NRG1: variants seen among roughly 807,000 people sequenced by gnomAD.
NRG1 encodes the protein neuregulin 1, also known as pro-neuregulin-1, membrane-bound isoform.
A neutral mutation model predicts 63.8 loss-of-function variants in NRG1; 18 were observed. The ratio of observed to expected loss-of-function variants is 0.28; its 90% CI spans 0.19 to 0.42. NRG1 has a LOEUF of 0.42. NRG1 is among the 10% of genes least tolerant of loss of function. The pLI, the probability that NRG1 is intolerant of heterozygous loss-of-function variation, is 1.00. For synonymous variants in NRG1, 302 were observed against 301.3 expected, an observed-to-expected ratio of 1.00 and a Z score of -0.02; for missense variants, 762 against 814.7, an observed-to-expected ratio of 0.94 and a Z score of 0.79.
intron 1 of NRG1, among the ~76,000 whole-genome samples, chr8:31,661,802 C>T (rs934976121): frequency 2.0e-5 from 3 of 152,180 alleles, no homozygotes; most frequent in Non-Finnish European, 4.4e-5. Flanking sequence ...TTAGGATCTC[C>T]ATATTCATAG....
intron 1 of NRG1, among the ~76,000 whole-genome samples, chr8:31,936,317 G>A (rs554891504): frequency 1.3e-5 from 2 of 152,248 alleles, no homozygotes; most frequent in African/African-American, 2.4e-5. Flanking sequence ...TATTTCATAA[G>A]TTTTTTGTTG....
At chr8:32,201,757 A>G (rs999531174) in intron 1 of NRG1, among the ~76,000 whole-genome samples, 1 of 152,212 alleles carries the variant, frequency 6.6e-6, no homozygotes, top group African/African-American at 2.4e-5. Flanking sequence ...GAAAATAATG[A>G]TGTCCAAATT....
intron 1 of NRG1, among the ~76,000 whole-genome samples, chr8:32,274,103 C>A (rs766257065): frequency 3.9e-5 from 6 of 152,128 alleles, no homozygotes; most frequent in Non-Finnish European, 8.8e-5. Context: ...AGCCAGAAAT[C>A]TGAAAAAAGA....
chr8:31,824,024 A>AT (rs1296088656), intron 1 of NRG1, among the ~76,000 whole-genome samples: 2 of 151,310 alleles, frequency 1.3e-5, no homozygotes, highest in African/African-American at 2.4e-5. Context: ...TTTTTTTTAT[A>AT]TTTTTTATTA....
chr8:32,676,605 A>T (rs1398929076), intron 5 of NRG1, among the ~76,000 whole-genome samples: 3 of 152,186 alleles, frequency 2.0e-5, no homozygotes, highest in Non-Finnish European at 4.4e-5. Context: ...AAATGAGATG[A>T]TATATGTGAA....
chr8:32,067,609 A>G (rs542220689), intron 1 of NRG1, among the ~76,000 whole-genome samples: 2 of 152,220 alleles, frequency 1.3e-5, no homozygotes, highest in Admixed American at 6.5e-5. Flanking sequence ...TATGGCCGTC[A>G]ATTTTTGACC....
At chr8:32,093,714 T>C (rs1001296003) in intron 1 of NRG1, among the ~76,000 whole-genome samples, 1 of 152,212 alleles carries the variant, frequency 6.6e-6, no homozygotes, top group Non-Finnish European at 1.5e-5. Context: ...ATAATTCATT[T>C]AGTGGGGCAA....
chr8:32,418,541 G>C (rs1347086078), intron 1 of NRG1, among the ~76,000 whole-genome samples: 3 of 151,846 alleles, frequency 2.0e-5, no homozygotes, highest in African/African-American at 7.3e-5. Flanking sequence ...ATTTGGACTA[G>C]ATGCATTTCA....
intron 5 of NRG1, among the ~76,000 whole-genome samples, chr8:32,626,950 G>A (rs1236345173): frequency 2.0e-5 from 3 of 151,984 alleles, no homozygotes; most frequent in Non-Finnish European, 2.9e-5. Flanking sequence ...GAACCTGGGA[G>A]CGGAGGTTGC....
chr8:32,064,102 C>A (rs1389976920), intron 1 of NRG1, among the ~76,000 whole-genome samples: 1 of 151,992 alleles, frequency 6.6e-6, no homozygotes, highest in African/African-American at 2.4e-5. Context: ...CCCTTTCTGG[C>A]AAAGAAATGT....
At chr8:31,982,199 A>C (rs1809240724) in intron 1 of NRG1, among the ~76,000 whole-genome samples, 2 of 152,046 alleles carry the variant, frequency 1.3e-5, no homozygotes, top group Admixed American at 1.3e-4. Flanking sequence ...TGGAGTCTTC[A>C]ACAACTGAGT....
chr8:31,657,241 A>G (rs747235916), intron 1 of NRG1, among the ~76,000 whole-genome samples: 4 of 152,238 alleles, frequency 2.6e-5, no homozygotes, highest in Non-Finnish European at 5.9e-5. Flanking sequence ...TAATTTTAAT[A>G]CAGTGTAAAT....
chr8:32,600,026 T>C (rs947982727), intron 2 of NRG1, among the ~76,000 whole-genome samples: 1 of 152,170 alleles, frequency 6.6e-6, no homozygotes, highest in Non-Finnish European at 1.5e-5. Flanking sequence ...TTATATATAA[T>C]GAAATCTCAA....
chr8:31,747,310 CAAA>C (rs1563355108), intron 1 of NRG1, among the ~76,000 whole-genome samples: 1 of 151,786 alleles, frequency 6.6e-6, no homozygotes, highest in African/African-American at 2.4e-5. Context: ...TGTGTATCCA[CAAA>C]AAAAGTGTTG....
chr8:32,308,910 T>G (rs1307055919), intron 1 of NRG1, among the ~76,000 whole-genome samples: 1 of 152,172 alleles, frequency 6.6e-6, no homozygotes, highest in East Asian at 1.9e-4. Context: ...CCTGGGGAGA[T>G]CTCTCTCCAT....
At chr8:31,834,852 T>C (rs766009825) in intron 1 of NRG1, among the ~76,000 whole-genome samples, 3 of 152,212 alleles carry the variant, frequency 2.0e-5, no homozygotes, top group African/African-American at 4.8e-5. Flanking sequence ...CTCATTGCCA[T>C]TGATTGTACC....
intron 1 of NRG1, among the ~76,000 whole-genome samples, chr8:32,343,602 T>C (rs1242268857): frequency 3.3e-5 from 5 of 152,330 alleles, no homozygotes; most frequent in African/African-American, 9.6e-5. Context: ...TGCTGGCTTA[T>C]GTCAGCTCGA....
chr8:31,673,785 C>T (rs1261701520), intron 1 of NRG1, among the ~76,000 whole-genome samples: 1 of 152,112 alleles, frequency 6.6e-6, no homozygotes, highest in African/African-American at 2.4e-5. Flanking sequence ...TCAGGATGGT[C>T]TATGACTTTC....
chr8:32,768,568 A>G (rs947234474), downstream of NRG1, among the ~76,000 whole-genome samples: 2 of 152,340 alleles, frequency 1.3e-5, no homozygotes, highest in South Asian at 2.1e-4. Flanking sequence ...ACTCATGTCT[A>G]TCTAACTGCT....
Sources: gnomAD v4.1 joint callset for allele counts (sites outside exome capture counted in the v4.1 genomes callset) on GRCh38, gnomAD v4.1.1 for gene constraint, MANE v1.5 for transcripts, NCBI Gene and HGNC (gene_info 2026-07-23, HGNC 2026-07-21) for gene names.